The following SLC2A13 variants were observed in gnomAD, a reference collection of about 807,000 sequenced individuals.
SLC2A13 encodes solute carrier family 2 member 13.
In SLC2A13, 32 loss-of-function variants were observed where a neutral mutation model predicts 64.4. That is an observed-to-expected ratio of 0.50 (90% confidence interval 0.37 to 0.67). The LOEUF (loss-of-function observed/expected upper bound fraction) is 0.67, where lower values mean the gene tolerates loss of function less well. Among genes scored for constraint, SLC2A13 ranks in the 30% least tolerant of loss-of-function variants. The pLI is 0.00. For synonymous variants in SLC2A13, 338 were observed against 327.1 expected (o/e 1.03, Z -0.36); for missense variants, 743 against 829.2 (o/e 0.90, Z 1.28).
chr12:39,837,266 C>G (rs1214558381), intron 6 of SLC2A13, among the ~76,000 whole-genome samples: 2 of 150,184 alleles, frequency 1.3e-5, no homozygotes, highest in Non-Finnish European at 3.0e-5. Flanking sequence ...ATAAATGGTG[C>G]TGGGAAAACT....
At chr12:39,935,972 T>C (rs1471282558) in intron 4 of SLC2A13, among the ~76,000 whole-genome samples, 1 of 152,176 alleles carries the variant, frequency 6.6e-6, no homozygotes, top group African/African-American at 2.4e-5. Context: ...CTTCTTTATA[T>C]ACCCTTGCGT....
intron 1 of SLC2A13, among the ~76,000 whole-genome samples, chr12:40,096,848 G>A (rs117880631): frequency 0.028 from 4,299 of 152,184 alleles, 176 homozygotes; most frequent in Admixed American, 0.11. Context: ...ATTCTAGAAA[G>A]TATCATCTTG....
At chr12:39,816,482 T>C (rs535770645) in intron 7 of SLC2A13, among the ~76,000 whole-genome samples, 2 of 149,700 alleles carry the variant, frequency 1.3e-5, no homozygotes, top group South Asian at 4.3e-4. Flanking sequence ...CTAATGTAAA[T>C]GACGAGTTAA....
chr12:39,814,228 A>T (rs977669743), intron 7 of SLC2A13, among the ~76,000 whole-genome samples: 1 of 152,108 alleles, frequency 6.6e-6, no homozygotes, highest in African/African-American at 2.4e-5. Context: ...TCATTGCTTT[A>T]CCTCCCCAGG....
chr12:39,964,488 T>C (rs1027449607), intron 3 of SLC2A13, among the ~76,000 whole-genome samples: 11 of 152,180 alleles, frequency 7.2e-5, no homozygotes, highest in African/African-American at 2.7e-4. Flanking sequence ...ATAAGAAGCA[T>C]AAATGGTTAT....
intron 4 of SLC2A13, among the ~76,000 whole-genome samples, chr12:39,915,878 C>A (rs747100714): frequency 1.3e-5 from 2 of 151,830 alleles, no homozygotes; most frequent in Admixed American, 1.3e-4. Context: ...GACATCATCA[C>A]GACAAATCTC....
chr12:40,105,819 C>G lies in SLC2A13; in HGVS notation c.-11G>C. The stretch of plus-strand genomic sequence containing the variant: ...TGCCTTGCGGGACATAGGGCAGGGG[C>G]CCGGGGCTGCCCGGGGGGACGCGGC... On this transcript the variant is annotated 5_prime_UTR_variant, in exon 1 of 10. Transcript: ENST00000280871. This position sits in a 1 kb window ranked among gnomAD's most constrained non-coding sequence, Gnocchi z 4.2. The G allele has an allele frequency of 1.4e-6, 2 of 1,422,194 alleles. No individual in the cohort carries two copies. Among genetic ancestry groups the G allele is most frequent in the Non-Finnish European group, 1.8e-6 (2 of 1,087,138 alleles). 88.1% of individuals were successfully genotyped at this position (1,422,194 alleles called of 1,614,324 possible).
At chr12:39,971,228 G>T (rs1565568600) in intron 3 of SLC2A13, among the ~76,000 whole-genome samples, 1 of 152,010 alleles carries the variant, frequency 6.6e-6, no homozygotes, top group Admixed American at 6.6e-5. Flanking sequence ...AACAGCTGCA[G>T]GTATGCAACA....
chr12:39,864,092 C>T (rs182240183), intron 6 of SLC2A13, among the ~76,000 whole-genome samples: 98 of 152,284 alleles, frequency 6.4e-4, no homozygotes, highest in African/African-American at 2.3e-3. Context: ...ATATATTAAT[C>T]GATGTGTCCA....
At chr12:39,923,256 A>T (rs1312151553) in intron 4 of SLC2A13, among the ~76,000 whole-genome samples, 1 of 152,224 alleles carries the variant, frequency 6.6e-6, no homozygotes, top group Non-Finnish European at 1.5e-5. Flanking sequence ...AAACAACACA[A>T]GTGTCCAACA....
intron 4 of SLC2A13, among the ~76,000 whole-genome samples, chr12:39,946,939 T>C (rs1946145545): frequency 6.6e-6 from 1 of 152,186 alleles, no homozygotes; most frequent in Non-Finnish European, 1.5e-5. Flanking sequence ...TGTGGACTTT[T>C]ACCCCCTGCT....
chr12:39,809,002 TTCC>T (rs1332725033), intron 7 of SLC2A13, among the ~76,000 whole-genome samples: 22 of 152,120 alleles, frequency 1.4e-4, no homozygotes, highest in African/African-American at 5.1e-4. Flanking sequence ...TCGCAAAGAT[TTCC>T]TCCTATGTTT....
At chr12:39,851,413 T>TA (rs1200187434) in intron 6 of SLC2A13, among the ~76,000 whole-genome samples, 1 of 152,194 alleles carries the variant, frequency 6.6e-6, no homozygotes, top group Non-Finnish European at 1.5e-5. Flanking sequence ...TTCTGACTCT[T>TA]AACTGACAAT....
intron 6 of SLC2A13, among the ~76,000 whole-genome samples, chr12:39,841,201 T>C (rs1943168632): frequency 1.3e-5 from 2 of 152,146 alleles, no homozygotes; most frequent in South Asian, 4.1e-4. Context: ...CTGCCCAGAT[T>C]GAGCATTTGG....
intron 4 of SLC2A13, among the ~76,000 whole-genome samples, chr12:39,938,734 T>C (rs1413927728): frequency 2.0e-5 from 3 of 151,796 alleles, no homozygotes; most frequent in Non-Finnish European, 2.9e-5. Context: ...CCATGAACAG[T>C]ACTAAGAAAG....
At chr12:40,041,108 G>A (rs1049638822) in intron 2 of SLC2A13, among the ~76,000 whole-genome samples, 34 of 151,998 alleles carry the variant, frequency 2.2e-4, no homozygotes, top group African/African-American at 7.5e-4. Context: ...GCCCACCACC[G>A]CGCCCGGCTA....
intron 3 of SLC2A13, among the ~76,000 whole-genome samples, chr12:40,014,340 T>C (rs771964716): frequency 6.6e-6 from 1 of 152,168 alleles, no homozygotes; most frequent in African/African-American, 2.4e-5. Flanking sequence ...ACTATCCCTT[T>C]TGTAAAAGAG....
chr12:39,867,209 GCA>G (rs1477553198), intron 5 of SLC2A13, among the ~76,000 whole-genome samples: 1 of 152,170 alleles, frequency 6.6e-6, no homozygotes, highest in East Asian at 1.9e-4. Flanking sequence ...TTATTGCCAT[GCA>G]ACAGGTAAGA....
At chr12:39,797,537 C>T (rs771522279) in intron 7 of SLC2A13, among the ~76,000 whole-genome samples, 1 of 152,104 alleles carries the variant, frequency 6.6e-6, no homozygotes, top group African/African-American at 2.4e-5. Context: ...TGTAAAGTAG[C>T]TAAATATTTT....
Sources: gnomAD v4.1 joint callset for allele counts (sites outside exome capture counted in the v4.1 genomes callset) on GRCh38, gnomAD v4.1.1 for gene constraint, Gnocchi (gnomAD v3.1) non-coding constraint, MANE v1.5 for transcripts, NCBI Gene and HGNC (gene_info 2026-07-23, HGNC 2026-07-21) for gene names.